DNAH3: variants seen among roughly 807,000 people sequenced by gnomAD.
DNAH3 encodes the protein dynein axonemal heavy chain 3, also known as axonemal beta dynein heavy chain 3.
Under a neutral mutation model 432.5 loss-of-function variants are expected in DNAH3, and 332 were observed. The observed-to-expected ratio is 0.77, with a 90% CI of 0.70 to 0.84. The LOEUF is 0.84. Ranked by LOEUF, DNAH3 falls within the 40% of genes least tolerant of loss-of-function variation. The pLI is 0.00. For missense variants in DNAH3, 4,861 were observed against 5,114.0 expected, an observed-to-expected ratio of 0.95 and a Z score of 1.51; for synonymous variants, 1,956 against 1,900.2, an observed-to-expected ratio of 1.03 and a Z score of -0.76.
chr16:21,127,834 T>C, intron 7 of DNAH3, 22 bp from the exon 9 acceptor site: 1 of 1,613,420 alleles, frequency 6.2e-7, no homozygotes, highest in Admixed American at 1.7e-5. Flanking sequence ...GAGGGAGAAA[T>C]TTCCTAAGCT....
chr16:21,069,707 C>G lies in DNAH3; in HGVS notation c.3202-113G>C, dbSNP rs1195005000. On this transcript the variant is annotated intron_variant, in intron 22 of 61. Transcript: ENST00000261383. Reference sequence around the variant, plus strand: ...ATTTATTCATTCATTCAGTCTGTCACTTGTTTAACAAATACTTATTGAGGG... The same window carrying G: ...ATTTATTCATTCATTCAGTCTGTCAGTTGTTTAACAAATACTTATTGAGGG... The G allele has an allele frequency of 4.2e-6, 4 of 951,570 alleles. No individual in the cohort carries two copies. The African/African-American group carries it at 6.6e-5, about 16-fold the overall frequency. The allele number at this position is 951,570 out of a possible 1,614,324, so 58.9% of individuals were successfully genotyped here. A position where few individuals can be genotyped will look rare whatever the true frequency, so the allele number is the denominator to read the frequency against.
At chr16:21,033,429 G>C (rs940217196) in intron 36 of DNAH3, among the ~76,000 whole-genome samples, 2 of 152,176 alleles carry the variant, frequency 1.3e-5, no homozygotes, top group African/African-American at 4.8e-5. Flanking sequence ...CCTGCATGCT[G>C]TTACTTAATT....
chr16:21,055,894 C>T (rs1029690731), intron 27 of DNAH3, among the ~76,000 whole-genome samples: 2 of 152,044 alleles, frequency 1.3e-5, no homozygotes, highest in African/African-American at 2.4e-5. Context: ...CACAAGCACA[C>T]ACCATCACTC....
chr16:21,127,572 A>AG, intron 8 of DNAH3, 115 bp downstream of exon 9: 1 of 1,268,836 alleles, frequency 7.9e-7, no homozygotes, highest in Non-Finnish European at 1.1e-6. Context: ...AAAAAAAAAA[A>AG]GACACGAAAG....
rs567126608 is a variant in DNAH3, at chr16:21,143,768, T to G, written c.448+1413A>C. Among the ~76,000 whole-genome samples the G allele has an allele frequency of 4.6e-5, 7 of 151,810 alleles. No homozygotes were observed. The South Asian group carries it at 1.5e-3, about 32-fold the overall frequency. On this transcript the variant is annotated intron_variant, in intron 3 of 61. Transcript: ENST00000261383. ...GTAAGAACCACTTGGGAAAAAGAAA[T>G]CCTCCAAGTGATATTGAAAGGGCTA...
intron 31 of DNAH3, 56 bp from the exon 32 acceptor site, chr16:21,042,259 T>C: frequency 6.6e-7 from 1 of 1,518,774 alleles, no homozygotes; most frequent in Non-Finnish European, 8.8e-7. Context: ...ACAACCACCC[T>C]ACTCTACCGG....
At chr16:21,139,319 G>GTTTTTTTTTT (rs2092686839) in intron 5 of DNAH3, among the ~76,000 whole-genome samples, 2 of 32,772 alleles carry the variant, frequency 6.1e-5, no homozygotes, top group South Asian at 1.2e-3. Flanking sequence ...CTTTCCTCAT[G>GTTTTTTTTTT]CTTTTTTTTT....
intron 20 of DNAH3, among the ~76,000 whole-genome samples, chr16:21,078,792 G>A (rs763794182): frequency 2.0e-5 from 3 of 152,238 alleles, no homozygotes; most frequent in Non-Finnish European, 4.4e-5. Flanking sequence ...CCCAAAATGT[G>A]CTGGAGAAGC....
intron 19 of DNAH3, among the ~76,000 whole-genome samples, chr16:21,082,058 C>T (rs951895204): frequency 1.3e-5 from 2 of 152,054 alleles, no homozygotes; most frequent in African/African-American, 4.8e-5. Flanking sequence ...CACCACCTTG[C>T]CTGGCTAATT....
chr16:21,074,434 C>T (rs921664291), intron 21 of DNAH3, among the ~76,000 whole-genome samples: 8 of 152,082 alleles, frequency 5.3e-5, no homozygotes, highest in African/African-American at 1.7e-4. Context: ...AATGGTTGGG[C>T]CTGGCGTGGT....
intron 14 of DNAH3, among the ~76,000 whole-genome samples, chr16:21,110,537 C>T (rs2092045994): frequency 6.6e-6 from 1 of 152,142 alleles, no homozygotes; most frequent in South Asian, 2.1e-4. Context: ...GGAATTGCAT[C>T]CTAATTGCAG....
chr16:21,098,005 A>T (rs758994767), intron 17 of DNAH3, among the ~76,000 whole-genome samples: 7 of 152,228 alleles, frequency 4.6e-5, no homozygotes, highest in African/African-American at 9.6e-5. Context: ...AATATTGCAT[A>T]TGAAGCTCTT....
chr16:21,056,020 G>A (rs941339051), intron 27 of DNAH3, among the ~76,000 whole-genome samples: 15 of 152,190 alleles, frequency 9.9e-5, no homozygotes, highest in East Asian at 1.9e-4. Flanking sequence ...TTACAGGCAT[G>A]AGCCACCGTA....
chr16:20,968,583 G>A (rs2085166215), intron 52 of DNAH3, among the ~76,000 whole-genome samples: 1 of 152,124 alleles, frequency 6.6e-6, no homozygotes, highest in Non-Finnish European at 1.5e-5. Context: ...AGGCTCAACT[G>A]TAGAAGGAGC....
chr16:20,981,725 AAAAT>A (rs2085907617), intron 49 of DNAH3, among the ~76,000 whole-genome samples: 1 of 152,026 alleles, frequency 6.6e-6, no homozygotes, highest in South Asian at 2.1e-4. Context: ...ACTCCATCTC[AAAAT>A]AAATAGATAA....
At chr16:21,125,220 G>C (rs1459206115) in exon 9 of DNAH3, 1 of 1,612,916 alleles carries the variant, frequency 6.2e-7, no homozygotes, top group Non-Finnish European at 8.5e-7. Flanking sequence ...GTGACTTAAT[G>C]ACCAGCTCCC....
chr16:21,061,140 T>C (rs1014303403), intron 25 of DNAH3, among the ~76,000 whole-genome samples: 1 of 150,774 alleles, frequency 6.6e-6, no homozygotes, highest in African/African-American at 2.4e-5. Flanking sequence ...CACCTGGCCT[T>C]GGCCCCAGCC....
intron 57 of DNAH3, among the ~76,000 whole-genome samples, chr16:20,945,985 T>C (rs2084028414): frequency 6.6e-6 from 1 of 152,184 alleles, no homozygotes; most frequent in Non-Finnish European, 1.5e-5. Flanking sequence ...AGTGTAGTTA[T>C]GAAGTATAAA....
intron 7 of DNAH3, among the ~76,000 whole-genome samples, chr16:21,132,598 G>C (rs1182367572): frequency 1.3e-5 from 2 of 152,168 alleles, no homozygotes; most frequent in East Asian, 3.8e-4. Context: ...CTTCAGTGTG[G>C]ATGAAGACTG....
Sources: allele counts gnomAD v4.1 joint callset (sites outside exome capture counted in the v4.1 genomes callset), GRCh38; gene constraint gnomAD v4.1.1; transcripts MANE v1.5; gene names NCBI Gene and HGNC (gene_info 2026-07-23, HGNC 2026-07-21).